The following UGGT2 variants were observed in gnomAD, a reference collection of about 807,000 sequenced individuals.
The protein encoded by UGGT2 is UDP-glucose glycoprotein glucosyltransferase 2.
UGGT2 carries 180 observed loss-of-function variants against 192.1 expected under a neutral mutation model. That is an observed-to-expected ratio of 0.94 (90% CI 0.83 to 1.06). UGGT2 has a LOEUF of 1.06. Among genes scored for constraint, UGGT2 ranks in the 50% least tolerant of loss-of-function variants. The pLI is 0.00. For synonymous variants in UGGT2, 580 were observed against 591.0 expected (o/e 0.98, Z 0.27); for missense variants, 1,849 against 1,795.7 (o/e 1.03, Z -0.54).
chr13:95,911,779 CAAAAA>C (rs906003013), intron 20 of UGGT2, among the ~76,000 whole-genome samples: 1 of 151,452 alleles, frequency 6.6e-6, no homozygotes, highest in Non-Finnish European at 1.5e-5. Context: ...AGAAACACAA[CAAAAA>C]AAAGAGAATT....
chr13:96,010,814 A>T (rs1463646275), intron 5 of UGGT2, among the ~76,000 whole-genome samples: 2 of 152,224 alleles, frequency 1.3e-5, no homozygotes, highest in Non-Finnish European at 2.9e-5. Flanking sequence ...AGATTAGCTA[A>T]AACAATTCTG....
intron 33 of UGGT2, among the ~76,000 whole-genome samples, chr13:95,859,149 A>C (rs1889907874): frequency 6.6e-6 from 1 of 152,134 alleles, no homozygotes; most frequent in Admixed American, 6.6e-5. Context: ...GGTGCCCAGC[A>C]ATCAATACAC....
chr13:95,879,006 T>C (rs916121444), intron 27 of UGGT2, among the ~76,000 whole-genome samples: 6 of 152,202 alleles, frequency 3.9e-5, no homozygotes, highest in East Asian at 1.9e-4. Context: ...AGAGTCTTTA[T>C]AGCAATTTAC....
intron 6 of UGGT2, 56 bp from the exon 7 acceptor site, chr13:95,996,191 G>A (rs2051613783): frequency 1.3e-6 from 2 of 1,486,832 alleles, no homozygotes; most frequent in South Asian, 1.2e-5. Context: ...ACTGGGAAAA[G>A]AACATGTAAT....
intron 20 of UGGT2, among the ~76,000 whole-genome samples, chr13:95,914,675 C>T (rs897277223): frequency 9.6e-5 from 14 of 146,046 alleles, no homozygotes; most frequent in African/African-American, 2.3e-4. Flanking sequence ...TGATGCACGC[C>T]TGTAATCCCA....
chr13:95,825,530 G>C (rs1396705524), intron 38 of UGGT2, among the ~76,000 whole-genome samples: 1 of 152,190 alleles, frequency 6.6e-6, no homozygotes. Context: ...GAGAGGAATT[G>C]TGACTGCCTC....
chr13:95,897,277 A>G (rs1235326610), intron 22 of UGGT2, among the ~76,000 whole-genome samples: 1 of 151,854 alleles, frequency 6.6e-6, no homozygotes, highest in Non-Finnish European at 1.5e-5. Flanking sequence ...TGCAACTGGA[A>G]TTTGAATCCA....
At chr13:96,043,161 G>C (rs185201401) in intron 1 of UGGT2, among the ~76,000 whole-genome samples, 2 of 152,210 alleles carry the variant, frequency 1.3e-5, no homozygotes, top group Non-Finnish European at 2.9e-5. Flanking sequence ...CAGATTAACA[G>C]CAGATTTCTC....
At chr13:95,862,395 A>AT (rs1221087015) in intron 31 of UGGT2, among the ~76,000 whole-genome samples, 1 of 152,192 alleles carries the variant, frequency 6.6e-6, no homozygotes, top group Non-Finnish European at 1.5e-5. Flanking sequence ...TAAAATGGAC[A>AT]TTCAAAGTTC....
chr13:96,024,354 C>A (rs186915734), intron 2 of UGGT2, among the ~76,000 whole-genome samples: 30 of 152,240 alleles, frequency 2.0e-4, no homozygotes, highest in African/African-American at 7.0e-4. Flanking sequence ...AAGGAGGGAT[C>A]CTAGAATTTA....
intron 12 of UGGT2, among the ~76,000 whole-genome samples, chr13:95,964,364 A>T (rs1362956025): frequency 6.6e-6 from 1 of 152,172 alleles, no homozygotes; most frequent in Non-Finnish European, 1.5e-5. Context: ...TAAAACTACT[A>T]GAAGAAAACA....
intron 7 of UGGT2, chr13:95,990,335 G>A (rs903914145): frequency 2.0e-5 from 4 of 202,472 alleles, no homozygotes; most frequent in Non-Finnish European, 3.0e-5. Context: ...AACTGTAAGC[G>A]ATGCAAGGAT....
intron 27 of UGGT2, among the ~76,000 whole-genome samples, chr13:95,882,928 CTATT>C (rs775755319): frequency 6.6e-6 from 1 of 152,096 alleles, no homozygotes. Flanking sequence ...ATTCCAGACT[CTATT>C]AAGAGATCTG....
At chr13:95,891,039 T>C (rs1172121909) in intron 24 of UGGT2, 75 bp from the exon 25 acceptor site, 1 of 1,031,344 alleles carries the variant, frequency 9.7e-7, no homozygotes. Context: ...CTTAGCTATA[T>C]AATTCTTATA....
intron 36 of UGGT2, 151 bp from the exon 37 acceptor site, chr13:95,837,353 T>A (rs41306037): frequency 0.026 from 16,232 of 626,082 alleles, 304 homozygotes; most frequent in Non-Finnish European, 0.032. Flanking sequence ...TTAAAATACC[T>A]AAGGTGATCC....
intron 38 of UGGT2, among the ~76,000 whole-genome samples, chr13:95,803,604 C>T (rs1366517578): frequency 6.6e-6 from 1 of 152,092 alleles, no homozygotes; most frequent in Non-Finnish European, 1.5e-5. Context: ...GAGTAAAGCG[C>T]CCTCATTTGG....
At chr13:95,875,772 C>T (rs1287477579) in intron 29 of UGGT2, among the ~76,000 whole-genome samples, 1 of 152,100 alleles carries the variant, frequency 6.6e-6, no homozygotes, top group Admixed American at 6.5e-5. Flanking sequence ...AGCCATCAAG[C>T]ACATCTATTA....
chr13:95,965,698 T>A (rs1001570988), intron 12 of UGGT2, among the ~76,000 whole-genome samples: 15 of 151,860 alleles, frequency 9.9e-5, no homozygotes, highest in Admixed American at 9.8e-4. Context: ...CATATGTAAC[T>A]AACCTGCACA....
chr13:95,989,885 AATCTAT>A, intron 8 of UGGT2, 82 bp downstream of exon 8: 4 of 815,204 alleles, frequency 4.9e-6, no homozygotes, highest in Non-Finnish European at 7.5e-6. Context: ...TCCATAAAAT[AATCTAT>A]ATCATGTGAT....
Sources: allele counts gnomAD v4.1 joint callset (sites outside exome capture counted in the v4.1 genomes callset), GRCh38; gene constraint gnomAD v4.1.1; transcripts MANE v1.5; gene names NCBI Gene and HGNC (gene_info 2026-07-23, HGNC 2026-07-21).